The following ALDH6A1 variants were observed in gnomAD, a reference collection of about 807,000 sequenced individuals.
ALDH6A1 encodes methylmalonate-semialdehyde/malonate-semialdehyde dehydrogenase [acylating], mitochondrial.
In ALDH6A1, 43 loss-of-function variants were observed where a neutral mutation model predicts 62.6. That is an observed-to-expected ratio of 0.69 (90% CI 0.54 to 0.89). The LOEUF is 0.89. Ranked by LOEUF, ALDH6A1 falls within the 40% of genes least tolerant of loss-of-function variation. The pLI, the probability that ALDH6A1 is intolerant of heterozygous loss-of-function variation, is 0.00. For synonymous variants in ALDH6A1, 194 were observed against 234.2 expected, an observed-to-expected ratio of 0.83 and a Z score of 1.57; for missense variants, 551 against 661.3, an observed-to-expected ratio of 0.83 and a Z score of 1.83.
chr14:74,075,785 A>T (rs2060606688), intron 1 of ALDH6A1, among the ~76,000 whole-genome samples: 1 of 152,254 alleles, frequency 6.6e-6, no homozygotes, highest in Non-Finnish European at 1.5e-5. Context: ...ATGAATGTTC[A>T]TAAGAACTTT....
intron 1 of ALDH6A1, among the ~76,000 whole-genome samples, chr14:74,081,968 A>G (rs1400416541): frequency 6.6e-6 from 1 of 152,128 alleles, no homozygotes; most frequent in African/African-American, 2.4e-5. Context: ...ACACTTTGGG[A>G]GGCTGAGGTG....
intron 8 of ALDH6A1, 115 bp downstream of exon 8, chr14:74,067,265 G>A: frequency 8.2e-7 from 1 of 1,222,792 alleles, no homozygotes; most frequent in Middle Eastern, 2.7e-4. Context: ...AGTATAAAGA[G>A]AGGAAATGGC....
chr14:74,067,274 G>T (rs1243704345), intron 8 of ALDH6A1, 106 bp downstream of exon 8: 3 of 1,297,360 alleles, frequency 2.3e-6, no homozygotes, highest in Non-Finnish European at 2.2e-6. Flanking sequence ...AGAGGAAATG[G>T]CAAGAATAGA....
intron 7 of ALDH6A1, among the ~76,000 whole-genome samples, chr14:74,068,538 A>G (rs1478668223): frequency 6.6e-6 from 1 of 152,156 alleles, no homozygotes; most frequent in African/African-American, 2.4e-5. Context: ...CAGGAGATCG[A>G]AACCATCCTG....
At chr14:74,068,781 G>T in intron 7 of ALDH6A1, 79 bp downstream of exon 7, 1 of 1,507,660 alleles carries the variant, frequency 6.6e-7, no homozygotes, top group Non-Finnish European at 9.2e-7. Context: ...GGGATGAGTG[G>T]CCTCTCTGCT....
In ALDH6A1 at chr14:74,059,040, C is replaced by T. The variant is rs550384718; in HGVS notation, c.*1602G>A. 1.3e-3 allele frequency: 208 copies of T among 155,834 alleles called. 1 individual carries two copies. The highest frequency in any genetic ancestry group is 2.4e-3 in the South Asian group (15 of 6,320). The allele number at this position is 155,834 out of a possible 1,614,324, so 9.7% of individuals were successfully genotyped here. A position where few individuals can be genotyped will look rare whatever the true frequency, so the allele number is the denominator to read the frequency against. On this transcript the variant is annotated 3_prime_UTR_variant, in exon 12 of 12. Coordinates refer to ENST00000553458, the MANE Select transcript of ALDH6A1 (RefSeq NM_005589.4). ...CAGAGGTTGCAGTGAGCCAAGATCA[C>T]GCCATTGCACTCTAGCCTGGGCAAC... is the stretch of plus-strand genomic sequence containing the variant.
chr14:74,079,441 T>C (rs1441201652), intron 1 of ALDH6A1, among the ~76,000 whole-genome samples: 1 of 150,872 alleles, frequency 6.6e-6, no homozygotes, highest in Non-Finnish European at 1.5e-5. Context: ...TTTTTTTTTT[T>C]TTCTTTTTTT....
chr14:74,063,062 C>A (rs2060381782), intron 11 of ALDH6A1, among the ~76,000 whole-genome samples: 1 of 152,142 alleles, frequency 6.6e-6, no homozygotes, highest in African/African-American at 2.4e-5. Context: ...TCTCTAACTT[C>A]ATTTCTTCCT....
intron 11 of ALDH6A1, among the ~76,000 whole-genome samples, chr14:74,061,294 C>CATTT (rs201254770): frequency 1.8e-4 from 27 of 149,420 alleles, no homozygotes; most frequent in Admixed American, 7.4e-4. Flanking sequence ...TATAGTAGGC[C>CATTT]ATTTATTTAT....
At chr14:74,069,815 AT>A (rs1286141965) in intron 6 of ALDH6A1, among the ~76,000 whole-genome samples, 1 of 139,518 alleles carries the variant, frequency 7.2e-6, no homozygotes, top group Non-Finnish European at 1.6e-5. Context: ...GATTTTTCTC[AT>A]TTGCTATTCC....
Position 74,067,997 on chromosome 14 carries a change from TA to T in ALDH6A1, c.853-429del, listed in dbSNP as rs35503985. 7.2e-3 allele frequency among the ~76,000 whole-genome samples: 955 copies of T among 132,914 alleles called. 4 individuals are homozygous for T. The highest frequency in any genetic ancestry group is 0.017 in the African/African-American group (616 of 35,796). The allele number at this position is 132,914 out of a possible 152,430, so 87.2% of individuals were successfully genotyped here. A position where few individuals can be genotyped will look rare whatever the true frequency, so the allele number is the denominator to read the frequency against. On this transcript the variant is annotated intron_variant, in intron 7 of 11. Transcript: ENST00000553458. ...TTTTTAGTTATATGAAGAGCAATGTTAAAAAAAAAAAAAAAAAGAACTTACA... is the reference window on the plus strand; with the variant it reads ...TTTTTAGTTATATGAAGAGCAATGTTAAAAAAAAAAAAAAAAGAACTTACA...
At chr14:74,082,049 A>C (rs2060673439) in intron 1 of ALDH6A1, among the ~76,000 whole-genome samples, 1 of 152,154 alleles carries the variant, frequency 6.6e-6, no homozygotes, top group Non-Finnish European at 1.5e-5. Context: ...TCTACAAAAA[A>C]TACAAAAATT....
chr14:74,061,286 T>C (rs1566824817), intron 11 of ALDH6A1, among the ~76,000 whole-genome samples: 1 of 150,402 alleles, frequency 6.6e-6, no homozygotes, highest in East Asian at 2.0e-4. Flanking sequence ...AGCTATTATA[T>C]AGTAGGCCAT....
intron 1 of ALDH6A1, among the ~76,000 whole-genome samples, chr14:74,077,356 T>C (rs1031366429): frequency 6.6e-6 from 1 of 152,332 alleles, no homozygotes; most frequent in African/African-American, 2.4e-5. Flanking sequence ...TGGTATCTTA[T>C]TCCGTTTTGT....
rs775284024 is a variant in ALDH6A1 at position 74,060,759 on chromosome 14, G to GA, written c.1504-14dup. The GA allele has an allele frequency of 2.5e-6, 4 of 1,568,944 alleles. No homozygotes were observed. Among genetic ancestry groups the GA allele is most frequent in the Middle Eastern group, 1.7e-4 (1 of 5,988 alleles). ...AGAATTGGATGCCCTAAGGAAAACA[G>GA]AAAAAAAGTTAGCATATATTTCTGG... On this transcript the variant is annotated splice_polypyrimidine_tract_variant and intron_variant, in intron 11 of 11. Transcript: ENST00000553458.
At position 74,057,369 on chromosome 14, in the gene ALDH6A1, A is replaced by C; in HGVS notation, c.*3273T>G. 1 of 1,564,492 alleles carries C rather than the reference A, an allele frequency of 6.4e-7. No individual in the cohort carries two copies. The highest frequency in any genetic ancestry group is 1.4e-5 in the African/African-American group (1 of 73,962). ...TACTAGTTGAGAGACTTCAGGGATC[A>C]GTGGAATGAGTAATAAATAGCATTA... On this transcript the variant is annotated 3_prime_UTR_variant, in exon 12 of 12. Coordinates refer to ENST00000553458, the MANE Select transcript of ALDH6A1 (RefSeq NM_005589.4).
At chr14:74,071,138 C>T in intron 6 of ALDH6A1, 57 bp downstream of exon 6, 1 of 1,512,286 alleles carries the variant, frequency 6.6e-7, no homozygotes, top group South Asian at 1.1e-5. Context: ...AACCATCACT[C>T]AACACCTTGA....
At chr14:74,077,954 T>C (rs996095423) in intron 1 of ALDH6A1, among the ~76,000 whole-genome samples, 12 of 152,262 alleles carry the variant, frequency 7.9e-5, no homozygotes, top group African/African-American at 2.9e-4. Flanking sequence ...GTTATGTCAT[T>C]GTAAATAACG....
In ALDH6A1 at chr14:74,067,378, A is replaced by C; in HGVS notation, c.1042+2T>G. On this transcript the variant is annotated splice_donor_variant, in intron 8 of 11. Transcript: ENST00000553458. LOFTEE classifies it high-confidence loss of function. The stretch of plus-strand genomic sequence containing the variant: ...AAGGGGGCAAGTCAGGTGATTGATT[A>C]CCTGCATTGACTCTCAGGTTTTTGG... 6.2e-7 allele frequency: 1 copy of C among 1,612,818 alleles called. No individual in the cohort carries two copies. Among genetic ancestry groups the C allele is most frequent in the Non-Finnish European group, 8.5e-7 (1 of 1,180,000 alleles).
Sources: allele counts gnomAD v4.1 joint callset (sites outside exome capture counted in the v4.1 genomes callset), GRCh38; gene constraint gnomAD v4.1.1; transcripts MANE v1.5; gene names NCBI Gene and HGNC (gene_info 2026-07-23, HGNC 2026-07-21).